The following PDS5A variants were observed in gnomAD, a reference collection of about 807,000 sequenced individuals.
The protein encoded by PDS5A is PDS5 cohesin associated factor A, also known as sister chromatid cohesion protein PDS5 homolog A.
Under a neutral mutation model 167.1 loss-of-function variants are expected in PDS5A, and 42 were observed. The observed-to-expected ratio is 0.25, with a 90% CI of 0.20 to 0.33. The LOEUF (loss-of-function observed/expected upper bound fraction) is 0.33. PDS5A is among the 10% of genes least tolerant of loss of function. The pLI is 1.00. For synonymous variants in PDS5A, 553 were observed against 554.6 expected (o/e 1.00, Z 0.04); for missense variants, 1,033 against 1,605.9 (o/e 0.64, Z 6.10).
chr4:39,970,875 G>T (rs1398909752), intron 2 of PDS5A, among the ~76,000 whole-genome samples: 1 of 137,332 alleles, frequency 7.3e-6, no homozygotes, highest in Non-Finnish European at 1.5e-5. Context: ...ACGGTTCACT[G>T]CAGCCCTGAC....
intron 18 of PDS5A, among the ~76,000 whole-genome samples, chr4:39,878,528 C>T (rs567309491): frequency 9.9e-5 from 15 of 151,770 alleles, no homozygotes; most frequent in African/African-American, 2.9e-4. Flanking sequence ...ACCTGGGAGG[C>T]GGAGCTTGCA....
intron 11 of PDS5A, among the ~76,000 whole-genome samples, chr4:39,907,733 C>A (rs35949153): frequency 6.6e-6 from 1 of 151,880 alleles, no homozygotes; most frequent in Non-Finnish European, 1.5e-5. Flanking sequence ...CCTACAGGTG[C>A]CCGCCACCAT....
At chr4:39,867,756 AC>A (rs1408446312) in intron 22 of PDS5A, among the ~76,000 whole-genome samples, 9 of 149,492 alleles carry the variant, frequency 6.0e-5, no homozygotes, top group Non-Finnish European at 1.3e-4. Context: ...ACACACACAC[AC>A]ACACACACAC....
At chr4:39,898,244 C>T in intron 16 of PDS5A, 145 bp downstream of exon 16, 2 of 1,308,836 alleles carry the variant, frequency 1.5e-6, no homozygotes, top group South Asian at 2.7e-5. Flanking sequence ...AGAGAATTAA[C>T]TTGACAATAG....
At chr4:39,971,447 C>T (rs570217119) in intron 2 of PDS5A, among the ~76,000 whole-genome samples, 1 of 151,958 alleles carries the variant, frequency 6.6e-6, no homozygotes, top group African/African-American at 2.4e-5. Flanking sequence ...TGAGCCACCG[C>T]ACCGGGCCTG....
intron 32 of PDS5A, among the ~76,000 whole-genome samples, chr4:39,830,316 A>G (rs1048129593): frequency 6.6e-6 from 1 of 152,188 alleles, no homozygotes; most frequent in African/African-American, 2.4e-5. Flanking sequence ...CAGCATCCCA[A>G]GTAGCTGGGA....
intron 26 of PDS5A, among the ~76,000 whole-genome samples, chr4:39,854,717 A>G (rs1435531341): frequency 6.6e-6 from 1 of 152,194 alleles, no homozygotes; most frequent in African/African-American, 2.4e-5. Flanking sequence ...GTAAACCTTA[A>G]GGGAATATAT....
chr4:39,952,211 G>C (rs201540286), intron 2 of PDS5A, among the ~76,000 whole-genome samples: 2 of 152,068 alleles, frequency 1.3e-5, no homozygotes, highest in Admixed American at 1.3e-4. Flanking sequence ...TGTGCCTGTA[G>C]TCCCAGCTAC....
intron 2 of PDS5A, among the ~76,000 whole-genome samples, chr4:39,934,839 C>CT (rs1726435062): frequency 6.6e-6 from 1 of 151,988 alleles, no homozygotes; most frequent in African/African-American, 2.4e-5. Context: ...GCCACCTACT[C>CT]TACGTTTTCT....
chr4:39,890,287 T>G lies in PDS5A; in HGVS notation c.1848A>C (p.Glu616Asp). 6.3e-7 allele frequency: 1 copy of G among 1,580,496 alleles called. No individual in the cohort carries two copies. The highest frequency in any genetic ancestry group is 8.6e-7 in the Non-Finnish European group (1 of 1,161,236). ...AATCAATGTGCACAGGTGCGATTCT[T>G]TCCAACAGAAATTTGACCATCTCTA... The part of the protein sequence containing the change: ...PFLEMVKFLL[E>D]RIAPVHIDSE... Residue 616 changes from glutamate (E) to aspartate (D), a missense_variant, in exon 17 of 33, where the codon GAA becomes GAC. By Grantham distance (45) the Glu-to-Asp change is conservative. Transcript: ENST00000303538.
chr4:39,948,422 T>C (rs1041547457), intron 2 of PDS5A, among the ~76,000 whole-genome samples: 40 of 142,610 alleles, frequency 2.8e-4, no homozygotes, highest in African/African-American at 9.5e-4. Flanking sequence ...GCCTCCCGGG[T>C]TCAAGCAATT....
intron 27 of PDS5A, 95 bp downstream of exon 27, chr4:39,849,425 T>C: frequency 1.3e-6 from 1 of 765,962 alleles, no homozygotes; most frequent in Non-Finnish European, 2.1e-6. Flanking sequence ...AAATTTAAAT[T>C]ACTACGTATG....
At chr4:39,940,489 A>C (rs1727121823) in intron 2 of PDS5A, among the ~76,000 whole-genome samples, 1 of 152,168 alleles carries the variant, frequency 6.6e-6, no homozygotes, top group Non-Finnish European at 1.5e-5. Flanking sequence ...TAAGAATCTA[A>C]AGATATATAA....
chr4:39,963,827 C>T (rs536337429), intron 2 of PDS5A, among the ~76,000 whole-genome samples: 14 of 151,822 alleles, frequency 9.2e-5, no homozygotes, highest in African/African-American at 3.4e-4. Flanking sequence ...CAGAGTGGGA[C>T]TCAGTCTCAA....
chr4:39,904,205 A>C lies in PDS5A; in HGVS notation c.1234-14T>G, dbSNP rs1723110709. The C allele has an allele frequency of 1.3e-6, 2 of 1,586,634 alleles. No individual in the cohort carries two copies. The highest frequency in any genetic ancestry group is 1.7e-6 in the Non-Finnish European group (2 of 1,165,182). Reference sequence around the variant, plus strand: ...TCTTACTCGCCACTAAAAAGCATAAAATTTATTAGATGAGCAAGATAACAA... The same window carrying C: ...TCTTACTCGCCACTAAAAAGCATAACATTTATTAGATGAGCAAGATAACAA... On this transcript the variant is annotated splice_polypyrimidine_tract_variant and intron_variant, in intron 11 of 32. Transcript: ENST00000303538.
chr4:39,893,838 A>G (rs1024040509), intron 16 of PDS5A, among the ~76,000 whole-genome samples: 4 of 152,040 alleles, frequency 2.6e-5, no homozygotes, highest in African/African-American at 9.7e-5. Flanking sequence ...GGTATAATGA[A>G]CTCATGCTCT....
At chr4:39,878,051 T>C (rs566516033) in intron 18 of PDS5A, among the ~76,000 whole-genome samples, 1 of 152,316 alleles carries the variant, frequency 6.6e-6, no homozygotes, top group Admixed American at 6.5e-5. Flanking sequence ...GTTAGATACA[T>C]GTCTAAAGAG....
chr4:39,917,934 C>A (rs1724546220), intron 7 of PDS5A, among the ~76,000 whole-genome samples: 1 of 145,328 alleles, frequency 6.9e-6, no homozygotes, highest in Non-Finnish European at 1.5e-5. Flanking sequence ...AATCCCAGCA[C>A]TTTGGGAAGC....
chr4:39,974,431 G>A (rs1730877135), intron 2 of PDS5A: 3 of 310,648 alleles, frequency 9.7e-6, no homozygotes, highest in Middle Eastern at 1.9e-3. Context: ...TCCATCAATT[G>A]TTTAAGTTTT....
Sources: gnomAD v4.1 joint callset for allele counts (sites outside exome capture counted in the v4.1 genomes callset) on GRCh38, gnomAD v4.1.1 for gene constraint, MANE v1.5 for transcripts, NCBI Gene and HGNC (gene_info 2026-07-23, HGNC 2026-07-21) for gene names.